Variants in MAPKAPK3 observed in about 807,000 individuals in gnomAD.
MAPKAPK3 encodes the protein MAP kinase-activated protein kinase 3.
MAPKAPK3 carries 35 observed loss-of-function variants against 49.2 expected under a neutral mutation model. The observed-to-expected ratio is 0.71, with a 90% confidence interval of 0.54 to 0.94. MAPKAPK3 has a LOEUF of 0.94. MAPKAPK3 is among the 40% of genes least tolerant of loss of function. The probability of loss-of-function intolerance (pLI) is 0.00; values close to 1 mark genes in which losing one functional copy is unlikely to be tolerated. For synonymous variants in MAPKAPK3, 178 were observed against 188.7 expected, an observed-to-expected ratio of 0.94 and a Z score of 0.46; for missense variants, 398 against 493.1, an observed-to-expected ratio of 0.81 and a Z score of 1.83.
chr3:50,611,631 C>T, upstream of MAPKAPK3: 2 of 1,514,806 alleles, frequency 1.3e-6, no homozygotes, highest in Non-Finnish European at 1.8e-6. Flanking sequence ...CCGCGCTTAC[C>T]CCTGAACGCA....
At chr3:50,626,616 C>T (rs1034177281) in intron 2 of MAPKAPK3, among the ~76,000 whole-genome samples, 2 of 152,208 alleles carry the variant, frequency 1.3e-5, no homozygotes, top group Non-Finnish European at 2.9e-5. Flanking sequence ...AGGTGTTCTC[C>T]GTGCTTTCTG....
upstream of MAPKAPK3, chr3:50,611,717 T>C: frequency 7.0e-7 from 1 of 1,430,494 alleles, no homozygotes; most frequent in Non-Finnish European, 9.1e-7. Context: ...AGGGAACCAG[T>C]GGGCGCGGAG....
chr3:50,615,372 T>C (rs2032440094), upstream of MAPKAPK3, among the ~76,000 whole-genome samples: 1 of 152,228 alleles, frequency 6.6e-6, no homozygotes, highest in South Asian at 2.1e-4. Context: ...GCATGTGTGT[T>C]TATACGTGTT....
upstream of MAPKAPK3, among the ~76,000 whole-genome samples, chr3:50,613,560 C>T (rs2032392369): frequency 6.6e-6 from 1 of 152,184 alleles, no homozygotes; most frequent in Non-Finnish European, 1.5e-5. Flanking sequence ...TAGGAACTGT[C>T]CACTGTCTCA....
chr3:50,644,843 C>T (rs2033251895), intron 6 of MAPKAPK3, among the ~76,000 whole-genome samples: 1 of 152,174 alleles, frequency 6.6e-6, no homozygotes, highest in Non-Finnish European at 1.5e-5. Context: ...AGCCCAACCG[C>T]GGTTGTTTTT....
intron 2 of MAPKAPK3, among the ~76,000 whole-genome samples, chr3:50,632,089 G>A (rs1282760700): frequency 1.3e-5 from 2 of 152,248 alleles, no homozygotes; most frequent in African/African-American, 2.4e-5. Flanking sequence ...ATATGTGCTG[G>A]CCTCAGTCTT....
chr3:50,641,347 G>A (rs1329882891), intron 3 of MAPKAPK3, among the ~76,000 whole-genome samples: 1 of 152,184 alleles, frequency 6.6e-6, no homozygotes, highest in Non-Finnish European at 1.5e-5. Context: ...GAGAACAGTG[G>A]TCATATGATG....
At chr3:50,621,809 G>A (rs2032617699) in intron 2 of MAPKAPK3, among the ~76,000 whole-genome samples, 1 of 152,136 alleles carries the variant, frequency 6.6e-6, no homozygotes, top group South Asian at 2.1e-4. Context: ...AAGGCCTTAT[G>A]GAGACATAAT....
chr3:50,636,306 C>T (rs1482185886), intron 2 of MAPKAPK3, among the ~76,000 whole-genome samples: 5 of 152,204 alleles, frequency 3.3e-5, no homozygotes, highest in African/African-American at 7.2e-5. Context: ...CTCTCTGTGC[C>T]TCAATTTCTC....
rs2033294433 is a variant in MAPKAPK3 at position 50,646,274 on chromosome 3, C to A, written c.829+10C>A. ...GAAGTCTCTGAGGATGGTGAGTGAA[C>A]CTCTCTGTCCCAGCCTGACTCACCT... is the stretch of plus-strand genomic sequence containing the variant. On this transcript the variant is annotated intron_variant, in intron 8 of 10. Coordinates refer to ENST00000621469, the MANE Select transcript of MAPKAPK3 (RefSeq NM_001243925.2). 6.2e-7 allele frequency: 1 copy of A among 1,613,812 alleles called. No individual in the cohort carries two copies. The highest frequency in any genetic ancestry group is 8.5e-7 in the Non-Finnish European group (1 of 1,179,948).
rs565910956 is a variant in MAPKAPK3 at position 50,645,352 on chromosome 3, C to G, written c.629-358C>G. Among the ~76,000 whole-genome samples the G allele has an allele frequency of 6.6e-5, 10 of 152,306 alleles. No homozygotes were observed. The South Asian group carries it at 2.1e-3, about 32-fold the overall frequency. On this transcript the variant is annotated intron_variant, in intron 6 of 10. Transcript: ENST00000621469. ...TTGCCTGTGACCTAGGCTATGCATT[C>G]AGGGAGGCAAGGGACACAGGACAGC...
rs1318637050 is a variant in MAPKAPK3, at chr3:50,648,202, T to C, written c.*156T>C. The C allele has an allele frequency of 5.0e-6, 4 of 797,668 alleles. No homozygotes were observed. The African/African-American group carries it at 7.0e-5, about 14-fold the overall frequency. The allele number at this position is 797,668 out of a possible 1,614,324, so 49.4% of individuals were successfully genotyped here. A position where few individuals can be genotyped will look rare whatever the true frequency, so the allele number is the denominator to read the frequency against. The stretch of plus-strand genomic sequence containing the variant: ...CTCGGAACTTCAGGATGGAGGACCC[T>C]GACCCTAAACCTCCTTCAGATCTCT... On this transcript the variant is annotated 3_prime_UTR_variant, in exon 11 of 11. Coordinates refer to ENST00000621469, the MANE Select transcript of MAPKAPK3 (RefSeq NM_001243925.2).
upstream of MAPKAPK3, among the ~76,000 whole-genome samples, chr3:50,614,308 TTCTTC>T (rs1472512782): frequency 6.6e-6 from 1 of 152,140 alleles, no homozygotes; most frequent in African/African-American, 2.4e-5. Flanking sequence ...TTTCCATAGA[TTCTTC>T]TCTTCTAGGA....
chr3:50,626,200 G>A (rs1051259681), intron 2 of MAPKAPK3, among the ~76,000 whole-genome samples: 1 of 152,150 alleles, frequency 6.6e-6, no homozygotes, highest in Non-Finnish European at 1.5e-5. Flanking sequence ...GGCACAGTAC[G>A]ACCCCCAAGG....
At chr3:50,611,587 C>A (rs1421345118), upstream of MAPKAPK3, 13 of 1,523,252 alleles carry the variant, frequency 8.5e-6, no homozygotes, top group African/African-American at 1.0e-4. Flanking sequence ...TTCTCCCGTG[C>A]GCCCCTCGTG....
At chr3:50,611,557 C>G (rs947910510), upstream of MAPKAPK3, 4 of 1,523,184 alleles carry the variant, frequency 2.6e-6, no homozygotes, top group Non-Finnish European at 3.5e-6. Context: ...CAATGCCCGG[C>G]AGCTAGCACG....
intron 2 of MAPKAPK3, among the ~76,000 whole-genome samples, chr3:50,628,669 C>A (rs1009258815): frequency 6.6e-6 from 1 of 152,148 alleles, no homozygotes; most frequent in Non-Finnish European, 1.5e-5. Context: ...AGGCTGTGGG[C>A]AGAATCCTGG....
intron 1 of MAPKAPK3, 103 bp from the exon 2 acceptor site, chr3:50,617,411 T>A (rs554058062): frequency 1.4e-5 from 8 of 586,312 alleles, no homozygotes; most frequent in Non-Finnish European, 2.1e-5. Context: ...CGTCCCGCAC[T>A]CCCAGCTTGC....
At chr3:50,639,747 C>G (rs2033129796) in intron 2 of MAPKAPK3, among the ~76,000 whole-genome samples, 1 of 152,156 alleles carries the variant, frequency 6.6e-6, no homozygotes, top group African/African-American at 2.4e-5. Flanking sequence ...CAGCACTCTC[C>G]TGATCATGCT....
Sources: allele counts gnomAD v4.1 joint callset (sites outside exome capture counted in the v4.1 genomes callset), GRCh38; gene constraint gnomAD v4.1.1; transcripts MANE v1.5; gene names NCBI Gene and HGNC (gene_info 2026-07-23, HGNC 2026-07-21).